Variants in CUX1 observed in about 807,000 individuals in gnomAD.
CUX1 encodes the protein protein CASP.
CUX1 carries 31 observed loss-of-function variants against 158.8 expected under a neutral mutation model. The ratio of observed to expected loss-of-function variants is 0.20; its 90% confidence interval spans 0.15 to 0.26. CUX1 has a LOEUF of 0.26. Ranked by LOEUF, CUX1 falls within the 10% of genes least tolerant of loss-of-function variation. CUX1 has a pLI of 1.00. For synonymous variants in CUX1, 879 were observed against 862.1 expected, an observed-to-expected ratio of 1.02 and a Z score of -0.34; for missense variants, 1,589 against 2,014.6, an observed-to-expected ratio of 0.79 and a Z score of 4.04.
At chr7:102,094,704 T>C (rs528303107) in intron 4 of CUX1, among the ~76,000 whole-genome samples, 1 of 152,322 alleles carries the variant, frequency 6.6e-6, no homozygotes, top group African/African-American at 2.4e-5. Flanking sequence ...CAACTCTTAA[T>C]AGAATTTTAT....
chr7:101,916,234 C>T lies in CUX1; in HGVS notation c.141+9C>T, dbSNP rs1359490418. The T allele has an allele frequency of 5.2e-6, 8 of 1,530,038 alleles. No individual in the cohort carries two copies. Among genetic ancestry groups the T allele is most frequent in the South Asian group, 1.1e-5 (1 of 89,242 alleles). 94.8% of individuals were successfully genotyped at this position (1,530,038 alleles called of 1,614,324 possible). A position where few individuals can be genotyped will look rare whatever the true frequency, so the allele number is the denominator to read the frequency against. The stretch of plus-strand genomic sequence containing the variant: ...AGAAGAACACTCCAGAGGTGAGGCG[C>T]GTGACCATCGTGTTCGCTTTGAAGG... On this transcript the variant is annotated intron_variant, in intron 2 of 23. Coordinates refer to ENST00000292535, the MANE Select transcript of CUX1 (RefSeq NM_181552.4). The surrounding 1 kb of genome is among the most constrained non-coding windows in gnomAD (Gnocchi z 4.4).
intron 2 of CUX1, among the ~76,000 whole-genome samples, chr7:101,930,768 G>A (rs1806196160): frequency 6.6e-6 from 1 of 152,140 alleles, no homozygotes; most frequent in Non-Finnish European, 1.5e-5. Context: ...CAAGATCTGA[G>A]CAAGCCATGA....
At chr7:102,081,489 G>A (rs868918712) in intron 4 of CUX1, among the ~76,000 whole-genome samples, 2 of 146,606 alleles carry the variant, frequency 1.4e-5, no homozygotes, top group East Asian at 1.9e-4. Flanking sequence ...TTCCACCTTC[G>A]CTCATCTCTC....
intron 4 of CUX1, among the ~76,000 whole-genome samples, chr7:102,078,161 C>T (rs1351159145): frequency 6.6e-6 from 1 of 152,132 alleles, no homozygotes; most frequent in South Asian, 2.1e-4. Flanking sequence ...GCTCATTTAA[C>T]CGCCTCCTGG....
intron 20 of CUX1, among the ~76,000 whole-genome samples, chr7:102,211,507 G>A (rs1268456038): frequency 1.3e-5 from 2 of 151,784 alleles, no homozygotes; most frequent in Non-Finnish European, 2.9e-5. Flanking sequence ...TCGGCTGGGC[G>A]CAGTGGCTCA....
chr7:102,045,695 T>C (rs1357163482), intron 3 of CUX1, among the ~76,000 whole-genome samples: 1 of 152,270 alleles, frequency 6.6e-6, no homozygotes, highest in Non-Finnish European at 1.5e-5. Flanking sequence ...AGCTATTCAA[T>C]AAAAGTCCTA....
chr7:101,892,649 T>TA (rs1441361128), intron 1 of CUX1, among the ~76,000 whole-genome samples: 1 of 152,200 alleles, frequency 6.6e-6, no homozygotes, highest in African/African-American at 2.4e-5. Context: ...TGTTAGTGCT[T>TA]ATATAGCCAT....
intron 23 of CUX1, among the ~76,000 whole-genome samples, chr7:102,242,867 T>C (rs1800370097): frequency 1.3e-5 from 2 of 152,204 alleles, no homozygotes; most frequent in African/African-American, 4.8e-5. Context: ...GGGATGCCTC[T>C]TTTGTGCATT....
chr7:101,836,174 T>A (rs1190805362), intron 1 of CUX1, among the ~76,000 whole-genome samples: 1 of 152,214 alleles, frequency 6.6e-6, no homozygotes, highest in Non-Finnish European at 1.5e-5. Context: ...CATTTTGGCC[T>A]CTTATGTGTA....
At chr7:102,179,151 G>A (rs1351607453) in intron 11 of CUX1, among the ~76,000 whole-genome samples, 2 of 152,172 alleles carry the variant, frequency 1.3e-5, no homozygotes, top group African/African-American at 4.8e-5. Flanking sequence ...AGGTTCAAGC[G>A]ATTCTCCTGC....
intron 21 of CUX1, among the ~76,000 whole-genome samples, chr7:102,232,340 G>A (rs1799095664): frequency 2.6e-5 from 4 of 152,212 alleles, no homozygotes; most frequent in South Asian, 2.1e-4. Context: ...TAAAAAGACT[G>A]ATAAGAAATT....
Position 102,253,154 on chromosome 7 carries a change from C to T in CUX1, c.*4112C>T. On this transcript the variant is annotated 3_prime_UTR_variant, in exon 24 of 24. Transcript: ENST00000292535. ...CTTTGTTTTCTTCCCATTGAAAAAC[C>T]ATCCTGTCTGATGTGGACGTTCAGG... 1.0e-6 allele frequency: 1 copy of T among 985,514 alleles called. No homozygotes were observed. The highest frequency in any genetic ancestry group is 1.2e-6 in the Non-Finnish European group (1 of 830,014). The allele number at this position is 985,514 out of a possible 1,614,324, so 61.0% of individuals were successfully genotyped here.
intron 8 of CUX1, among the ~76,000 whole-genome samples, chr7:102,151,554 CAG>C (rs1454441129): frequency 6.6e-6 from 1 of 151,376 alleles, no homozygotes; most frequent in Non-Finnish European, 1.5e-5. Flanking sequence ...AACTCCATCT[CAG>C]AAAATAAAAA....
intron 18 of CUX1, 107 bp downstream of exon 18, chr7:102,202,311 G>C: frequency 2.1e-6 from 3 of 1,444,018 alleles, no homozygotes; most frequent in Non-Finnish European, 2.8e-6. Context: ...ATTCACCCAA[G>C]AGCAGAGCGT....
At chr7:101,873,777 G>A (rs1262074276) in intron 1 of CUX1, among the ~76,000 whole-genome samples, 1 of 152,076 alleles carries the variant, frequency 6.6e-6, no homozygotes, top group East Asian at 1.9e-4. Flanking sequence ...TAGAGACAGG[G>A]TTTTGCCATA....
chr7:101,863,297 G>A (rs1158082999), intron 1 of CUX1, among the ~76,000 whole-genome samples: 1 of 151,120 alleles, frequency 6.6e-6, no homozygotes, highest in African/African-American at 2.4e-5. Context: ...AGATTCAAGA[G>A]TCCCGCTGGG....
intron 2 of CUX1, among the ~76,000 whole-genome samples, chr7:102,015,375 A>C (rs1032703119): frequency 6.6e-6 from 1 of 152,020 alleles, no homozygotes; most frequent in Non-Finnish European, 1.5e-5. Context: ...CTACAGGCAC[A>C]CACCACCATG....
At chr7:101,884,663 C>T (rs1368147856) in intron 1 of CUX1, among the ~76,000 whole-genome samples, 1 of 152,182 alleles carries the variant, frequency 6.6e-6, no homozygotes, top group Non-Finnish European at 1.5e-5. Context: ...TCATGGATTA[C>T]AGATAATTCC....
chr7:102,066,483 C>A (rs1048956565), intron 3 of CUX1, among the ~76,000 whole-genome samples: 1 of 152,168 alleles, frequency 6.6e-6, no homozygotes, highest in Middle Eastern at 3.2e-3. Context: ...AACCCCACAT[C>A]CTGGGGAATA....
Sources: allele counts gnomAD v4.1 joint callset (sites outside exome capture counted in the v4.1 genomes callset), GRCh38; gene constraint gnomAD v4.1.1; non-coding constraint Gnocchi (gnomAD v3.1); transcripts MANE v1.5; gene names NCBI Gene and HGNC (gene_info 2026-07-23, HGNC 2026-07-21).